COL25A1: variants seen among roughly 807,000 people sequenced by gnomAD.
The protein encoded by COL25A1 is collagen type XXV alpha 1 chain, also known as collagen alpha-1(XXV) chain.
A neutral mutation model predicts 128.4 loss-of-function variants in COL25A1; 103 were observed. The observed-to-expected ratio is 0.80, with a 90% confidence interval of 0.68 to 0.94. COL25A1 has a LOEUF of 0.94. Among genes scored for constraint, COL25A1 ranks in the 40% least tolerant of loss-of-function variants. The pLI is 0.00. For missense variants in COL25A1, 745 were observed against 840.0 expected (o/e 0.89, Z 1.40); for synonymous variants, 279 against 277.2 (o/e 1.01, Z -0.06).
intron 18 of COL25A1, among the ~76,000 whole-genome samples, chr4:108,886,476 G>GTTTTTTTTT (rs1560806262): frequency 8.1e-6 from 1 of 123,280 alleles, no homozygotes; most frequent in African/African-American, 3.2e-5. Flanking sequence ...GTGTGTGTGT[G>GTTTTTTTTT]TGTGTGTGTG....
intron 6 of COL25A1, among the ~76,000 whole-genome samples, chr4:108,983,711 G>A (rs774113567): frequency 1.7e-4 from 26 of 152,028 alleles, no homozygotes; most frequent in Non-Finnish European, 3.2e-4. Context: ...TGAAGCTGCG[G>A]ACCTTCGCAG....
chr4:108,918,375 T>C (rs2125896236), intron 12 of COL25A1, among the ~76,000 whole-genome samples, 159 bp from the exon 13 acceptor site: 1 of 152,350 alleles, frequency 6.6e-6, no homozygotes, highest in South Asian at 2.1e-4. Context: ...TGTAAGCAGA[T>C]TCCTCAAGCT....
At chr4:109,230,620 GA>G (rs1241690289) in intron 3 of COL25A1, among the ~76,000 whole-genome samples, 1 of 152,128 alleles carries the variant, frequency 6.6e-6, no homozygotes, top group East Asian at 1.9e-4. Context: ...GTCAAAAGGG[GA>G]GCATCTATGC....
chr4:108,864,474 T>C (rs1296119686), intron 20 of COL25A1, among the ~76,000 whole-genome samples: 3 of 152,210 alleles, frequency 2.0e-5, no homozygotes, highest in Admixed American at 1.3e-4. Context: ...ACTCATCTCA[T>C]AGTTTATGAA....
chr4:108,966,451 T>C (rs1229091698), intron 8 of COL25A1, among the ~76,000 whole-genome samples: 1 of 152,154 alleles, frequency 6.6e-6, no homozygotes, highest in Non-Finnish European at 1.5e-5. Flanking sequence ...GGATTTGAAA[T>C]TGGCGTTGAG....
At chr4:109,191,650 A>G (rs546617464) in intron 3 of COL25A1, among the ~76,000 whole-genome samples, 1 of 152,348 alleles carries the variant, frequency 6.6e-6, no homozygotes, top group African/African-American at 2.4e-5. Flanking sequence ...ATTATAGTTG[A>G]AATCCTTTAT....
chr4:108,839,452 G>A (rs1359189804), intron 31 of COL25A1, among the ~76,000 whole-genome samples: 4 of 152,142 alleles, frequency 2.6e-5, no homozygotes, highest in South Asian at 2.1e-4. Flanking sequence ...ACAGTATCCC[G>A]GGAATGCTAT....
intron 3 of COL25A1, among the ~76,000 whole-genome samples, chr4:109,197,741 T>G (rs77530556): frequency 0.035 from 5,259 of 151,482 alleles, 306 homozygotes; most frequent in African/African-American, 0.12. Flanking sequence ...CAACTAATAA[T>G]TTGTAAGACT....
intron 27 of COL25A1, among the ~76,000 whole-genome samples, chr4:108,847,478 G>A (rs1471295911): frequency 1.3e-5 from 2 of 152,026 alleles, no homozygotes; most frequent in Non-Finnish European, 2.9e-5. Context: ...TGAATGAATA[G>A]ATGGATCTTA....
At chr4:108,942,393 C>A in intron 8 of COL25A1, 1 of 800,820 alleles carries the variant, frequency 1.2e-6, no homozygotes, top group Non-Finnish European at 2.0e-6. Flanking sequence ...AGTCTTGCCT[C>A]ATCTGACATA....
rs570087173 is a variant in COL25A1, at chr4:108,942,813, T to A, written c.493-1376A>T. On this transcript the variant is annotated intron_variant, in intron 8 of 37. Coordinates refer to ENST00000399132, the MANE Select transcript of COL25A1 (RefSeq NM_198721.4). Reference sequence around the variant, plus strand: ...CTCTGTCACCCAGGCCGCAGTGCAGTGGTTACAATCTCAGCTCACTGAAGC... The same window carrying A: ...CTCTGTCACCCAGGCCGCAGTGCAGAGGTTACAATCTCAGCTCACTGAAGC... 1.4e-4 allele frequency among the ~76,000 whole-genome samples: 19 copies of A among 137,760 alleles called. No individual in the cohort carries two copies. In the Middle Eastern group the frequency reaches 0.013, roughly 94 times the overall value. 90.4% of individuals were successfully genotyped at this position (137,760 alleles called of 152,430 possible).
chr4:109,267,108 A>AG (rs951414152), intron 3 of COL25A1, among the ~76,000 whole-genome samples: 6 of 152,210 alleles, frequency 3.9e-5, no homozygotes, highest in Non-Finnish European at 5.9e-5. Flanking sequence ...TCTCTGGTAG[A>AG]GAGGCTAATG....
chr4:108,977,690 G>T (rs3863122), intron 6 of COL25A1, among the ~76,000 whole-genome samples: 109,654 of 152,146 alleles, frequency 0.72, 40,662 homozygotes, highest in East Asian at 1. Flanking sequence ...TAAGCACTGG[G>T]GGAACATATA....
At chr4:109,110,086 G>A (rs558855679) in intron 3 of COL25A1, among the ~76,000 whole-genome samples, 1 of 152,214 alleles carries the variant, frequency 6.6e-6, no homozygotes, top group Admixed American at 6.5e-5. Context: ...GGGATTCTTT[G>A]TGTTTCATTC....
In COL25A1 at chr4:108,821,236, A is replaced by C. The variant is rs558395062; in HGVS notation, c.1846-1907T>G. On this transcript the variant is annotated intron_variant, in intron 35 of 37. Transcript: ENST00000399132. The stretch of plus-strand genomic sequence containing the variant: ...AGATTGCATCAGAAGGCTCAGAATC[A>C]AAAACACTTGGATTTCTTGAATATG... Among the ~76,000 whole-genome samples, 11 of 152,328 alleles carry C rather than the reference A, an allele frequency of 7.2e-5. No individual in the cohort carries two copies. The East Asian group carries it at 2.1e-3, about 29-fold the overall frequency.
intron 3 of COL25A1, among the ~76,000 whole-genome samples, chr4:109,197,392 T>C (rs1190429324): frequency 1.6e-5 from 2 of 127,536 alleles, no homozygotes; most frequent in Non-Finnish European, 3.2e-5. Context: ...ATATAATCTC[T>C]CTATTATATA....
At chr4:109,125,687 C>T (rs370596646) in intron 3 of COL25A1, among the ~76,000 whole-genome samples, 22 of 152,228 alleles carry the variant, frequency 1.4e-4, no homozygotes, top group South Asian at 1.2e-3. Flanking sequence ...GATCAATTTT[C>T]AACACATGGA....
At chr4:109,033,392 C>T (rs1405674257) in intron 5 of COL25A1, among the ~76,000 whole-genome samples, 1 of 152,202 alleles carries the variant, frequency 6.6e-6, no homozygotes, top group Non-Finnish European at 1.5e-5. Flanking sequence ...TATCGTGCCC[C>T]ACATCAACAA....
At chr4:109,037,807 G>A (rs888225505) in intron 5 of COL25A1, among the ~76,000 whole-genome samples, 5 of 152,034 alleles carry the variant, frequency 3.3e-5, no homozygotes, top group Non-Finnish European at 5.9e-5. Context: ...TTCTTCATGG[G>A]GTCATAGCAT....
Sources: allele counts gnomAD v4.1 joint callset (sites outside exome capture counted in the v4.1 genomes callset), GRCh38; gene constraint gnomAD v4.1.1; transcripts MANE v1.5; gene names NCBI Gene and HGNC (gene_info 2026-07-23, HGNC 2026-07-21).